The following GABRA3 variants were observed in gnomAD, a reference collection of about 807,000 sequenced individuals.
The protein encoded by GABRA3 is gamma-aminobutyric acid receptor subunit alpha-3.
A neutral mutation model predicts 30.1 loss-of-function variants in GABRA3; 10 were observed. That is an observed-to-expected ratio of 0.33 (90% confidence interval 0.20 to 0.56). The LOEUF (loss-of-function observed/expected upper bound fraction) is 0.56, where lower values mean the gene tolerates loss of function less well. GABRA3 is among the 20% of genes least tolerant of loss of function. GABRA3 has a pLI of 0.89. For synonymous variants in GABRA3, 151 were observed against 146.8 expected (o/e 1.03, Z -0.21); for missense variants, 233 against 392.0 (o/e 0.59, Z 3.42).
chrX:152,349,037 C>A (rs995843268), intron 2 of GABRA3, among the ~76,000 whole-genome samples: 1 of 111,872 alleles, frequency 8.9e-6, no homozygotes, highest in Non-Finnish European at 1.9e-5. Flanking sequence ...GCTGTTTGGT[C>A]GCATTTTACC....
intron 5 of GABRA3, among the ~76,000 whole-genome samples, chrX:152,255,223 C>T (rs1480838885): frequency 9.0e-6 from 1 of 111,286 alleles, no homozygotes; most frequent in African/African-American, 3.3e-5. Context: ...TATTATCATC[C>T]TCAGTATCCT....
intron 4 of GABRA3, among the ~76,000 whole-genome samples, chrX:152,257,822 T>C (rs1254966609): frequency 8.9e-6 from 1 of 111,977 alleles, no homozygotes; most frequent in Non-Finnish European, 1.9e-5. Flanking sequence ...GGAGAAAGTG[T>C]TTCTACTGAA....
At chrX:152,240,970 C>G (rs1191224412) in intron 5 of GABRA3, among the ~76,000 whole-genome samples, 213 of 102,568 alleles carry the variant, frequency 2.1e-3, no homozygotes, top group African/African-American at 7.3e-3. Flanking sequence ...GTAATTTGAT[C>G]GTCTGAAGCC....
At chrX:152,264,165 G>C (rs1938779785) in intron 4 of GABRA3, among the ~76,000 whole-genome samples, 1 of 111,389 alleles carries the variant, frequency 9.0e-6, no homozygotes, top group East Asian at 2.8e-4. Flanking sequence ...GTGTTACTAA[G>C]TACACAGAAA....
At chrX:152,263,092 C>A (rs188829121) in intron 4 of GABRA3, among the ~76,000 whole-genome samples, 1 of 111,108 alleles carries the variant, frequency 9.0e-6, no homozygotes, top group African/African-American at 3.3e-5. Context: ...CACTCACTAT[C>A]ACAAGAACAG....
rs371289405 is a variant in GABRA3, at chrX:152,199,238, C to T, written c.779-1453G>A. Among the ~76,000 whole-genome samples, 77 of 105,379 alleles carry T rather than the reference C, an allele frequency of 7.3e-4. 2 individuals are homozygous for T. In the East Asian group the frequency reaches 0.012, roughly 17 times the overall value. The allele number at this position is 105,379 out of a possible 115,157, so 91.5% of individuals were successfully genotyped here. ...AATATTAGCCGGGTGTGGTGGCGGG[C>T]ACCTGTAGTCCCAGATACTAGGGAG... On this transcript the variant is annotated intron_variant, in intron 7 of 9. Transcript: ENST00000370314.
At chrX:152,286,272 C>G (rs959451981) in intron 3 of GABRA3, among the ~76,000 whole-genome samples, 1 of 107,555 alleles carries the variant, frequency 9.3e-6, no homozygotes, top group African/African-American at 3.5e-5. Context: ...TCTGTCAGCC[C>G]TACTTACCCC....
intron 3 of GABRA3, among the ~76,000 whole-genome samples, chrX:152,314,809 A>G (rs1347544614): frequency 2.7e-5 from 3 of 112,091 alleles, no homozygotes; most frequent in Non-Finnish European, 3.8e-5. Flanking sequence ...TAGAAATTGT[A>G]TGATTATTTC....
intron 1 of GABRA3, among the ~76,000 whole-genome samples, chrX:152,389,741 A>G (rs1929426410): frequency 9.0e-6 from 1 of 111,536 alleles, no homozygotes; most frequent in African/African-American, 3.3e-5. Context: ...ATAGAAGGAG[A>G]CAACACTGAT....
chrX:152,433,982 A>T (rs543851885), intron 1 of GABRA3, among the ~76,000 whole-genome samples: 112 of 112,054 alleles, frequency 1.0e-3, no homozygotes, highest in East Asian at 3.4e-3. Context: ...GAAATAGATA[A>T]TCTATAGCTT....
At chrX:152,199,237 G>T (rs1414536491) in intron 7 of GABRA3, among the ~76,000 whole-genome samples, 1 of 105,498 alleles carries the variant, frequency 9.5e-6, no homozygotes, top group East Asian at 2.9e-4. Flanking sequence ...GTGGTGGCGG[G>T]CACCTGTAGT....
At chrX:152,352,688 T>A (rs1042582846) in intron 2 of GABRA3, among the ~76,000 whole-genome samples, 2 of 111,861 alleles carry the variant, frequency 1.8e-5, no homozygotes, top group African/African-American at 6.5e-5. Flanking sequence ...CAGATTTTTT[T>A]AAATAATAAA....
At chrX:152,382,021 C>G (rs1452754496) in intron 1 of GABRA3, among the ~76,000 whole-genome samples, 1 of 111,308 alleles carries the variant, frequency 9.0e-6, no homozygotes. Flanking sequence ...ACGTGTGCAA[C>G]CTATCCATCT....
chrX:152,248,706 T>C (rs1352974409), intron 5 of GABRA3, among the ~76,000 whole-genome samples: 1 of 111,463 alleles, frequency 9.0e-6, no homozygotes, highest in Admixed American at 9.6e-5. Context: ...GGTCAAAGGA[T>C]GCATATTTAT....
intron 2 of GABRA3, among the ~76,000 whole-genome samples, chrX:152,362,623 G>A (rs929974003): frequency 1.8e-5 from 2 of 111,729 alleles, no homozygotes; most frequent in Admixed American, 1.9e-4. Context: ...AAGATTTTAG[G>A]AAGTAAGACA....
intron 9 of GABRA3, chrX:152,187,503 A>G (rs1207767047): frequency 2.7e-5 from 3 of 112,074 alleles, no homozygotes; most frequent in Non-Finnish European, 5.6e-5. Context: ...AAATTAAAGA[A>G]TATAATACTA....
rs138269633 is a variant in GABRA3 at position 152,429,231 on chromosome X, C to T, written c.-27+21915G>A. Among the ~76,000 whole-genome samples, 48 of 110,672 alleles carry T rather than the reference C, an allele frequency of 4.3e-4. No homozygotes were observed. The East Asian group carries it at 0.013, about 30-fold the overall frequency. ...TGTTTGCTAAATATTCCTTCCACTA[C>T]TTCTATTAATCTACCTCCAATATAC... On this transcript the variant is annotated intron_variant, in intron 1 of 9. Transcript: ENST00000370314.
chrX:152,184,290 A>G (rs994491344), intron 9 of GABRA3, among the ~76,000 whole-genome samples: 1 of 111,094 alleles, frequency 9.0e-6, no homozygotes. Context: ...TCTCTTTCAC[A>G]TTGCAAACTT....
chrX:152,181,812 A>T (rs189201750), intron 9 of GABRA3, among the ~76,000 whole-genome samples: 1 of 95,883 alleles, frequency 1.0e-5, no homozygotes, highest in Non-Finnish European at 2.1e-5. Context: ...CCTAAAATTT[A>T]AAGTATAATA....
Sources: gnomAD v4.1 joint callset for allele counts (sites outside exome capture counted in the v4.1 genomes callset) on GRCh38, gnomAD v4.1.1 for gene constraint, MANE v1.5 for transcripts, NCBI Gene and HGNC (gene_info 2026-07-23, HGNC 2026-07-21) for gene names.